The following KIAA1328 variants were observed in gnomAD, a reference collection of about 807,000 sequenced individuals.
KIAA1328 encodes protein hinderin.
KIAA1328 carries 52 observed loss-of-function variants against 68.1 expected under a neutral mutation model. That is an observed-to-expected ratio of 0.76 (90% CI 0.61 to 0.96). The LOEUF is 0.96. KIAA1328 is among the 40% of genes least tolerant of loss of function. The pLI is 0.00. For missense variants in KIAA1328, 641 were observed against 677.6 expected, an observed-to-expected ratio of 0.95 and a Z score of 0.60; for synonymous variants, 232 against 239.4, an observed-to-expected ratio of 0.97 and a Z score of 0.28.
intron 6 of KIAA1328, among the ~76,000 whole-genome samples, chr18:37,052,962 A>G (rs1281652468): frequency 6.6e-6 from 1 of 152,210 alleles, no homozygotes; most frequent in Non-Finnish European, 1.5e-5. Context: ...CAAGTTACCA[A>G]CATCATTTTC....
At position 36,981,789 on chromosome 18, in the gene KIAA1328, G is replaced by A. The variant is rs1347517762; in HGVS notation, c.576+22354G>A. 5.4e-5 allele frequency among the ~76,000 whole-genome samples: 8 copies of A among 148,324 alleles called. No homozygotes were observed. The East Asian group carries it at 1.6e-3, about 29-fold the overall frequency. ...TTTTTTTTTTTTTGGTAGAGATTGAGTCTCACTTTGTTGCCCAGGCTGGTC... is the reference window on the plus strand; with the variant it reads ...TTTTTTTTTTTTTGGTAGAGATTGAATCTCACTTTGTTGCCCAGGCTGGTC... On this transcript the variant is annotated intron_variant, in intron 6 of 9. Transcript: ENST00000280020.
At chr18:36,864,860 G>T (rs536981672) in intron 4 of KIAA1328, among the ~76,000 whole-genome samples, 1 of 151,648 alleles carries the variant, frequency 6.6e-6, no homozygotes, top group South Asian at 2.1e-4. Flanking sequence ...TTCAATAATT[G>T]TTTCTTTTTT....
chr18:36,900,062 T>G (rs1822329520), intron 5 of KIAA1328, among the ~76,000 whole-genome samples: 1 of 151,984 alleles, frequency 6.6e-6, no homozygotes, highest in South Asian at 2.1e-4. Context: ...TCATCTATCA[T>G]CTACACTGTT....
intron 7 of KIAA1328, among the ~76,000 whole-genome samples, chr18:37,101,985 G>T (rs1568407742): frequency 6.6e-6 from 1 of 152,086 alleles, no homozygotes; most frequent in Non-Finnish European, 1.5e-5. Flanking sequence ...GGAGAGGGGG[G>T]ATTTCTCCCT....
chr18:36,985,259 C>T (rs1323699878), intron 6 of KIAA1328, among the ~76,000 whole-genome samples: 1 of 152,140 alleles, frequency 6.6e-6, no homozygotes, highest in Admixed American at 6.6e-5. Context: ...AGGATCACAC[C>T]ACTGCACTCC....
At chr18:36,979,291 G>A (rs2052592585) in intron 6 of KIAA1328, among the ~76,000 whole-genome samples, 2 of 152,080 alleles carry the variant, frequency 1.3e-5, no homozygotes, top group Non-Finnish European at 1.5e-5. Context: ...CCTCAGAGAA[G>A]GTTTTATGTT....
At position 37,018,787 on chromosome 18, in the gene KIAA1328, ATT is replaced by A. The variant is rs34405983; in HGVS notation, c.577-48094_577-48093del. On this transcript the variant is annotated intron_variant, in intron 6 of 9. Transcript: ENST00000280020. ...TTTTCAATTCCAGAGGCACTGAATG[ATT>A]TTTTTTTTAATGATTTTTATGTCTT... 3.0e-3 allele frequency among the ~76,000 whole-genome samples: 453 copies of A among 151,092 alleles called. 3 individuals are homozygous for A. The highest frequency in any genetic ancestry group is 0.024 in the Middle Eastern group (7 of 294).
In KIAA1328 at chr18:37,224,121, C is replaced by A. The variant is rs980418332; in HGVS notation, c.*1894C>A. ...GTTAAAGTTAGGTTGCCAGAACTTT[C>A]TTTTCCTTGCCCCCTGTGTCATGAC... is the stretch of plus-strand genomic sequence containing the variant. On this transcript the variant is annotated 3_prime_UTR_variant, in exon 10 of 10. Coordinates refer to ENST00000280020, the MANE Select transcript of KIAA1328 (RefSeq NM_020776.3). 5.1e-6 allele frequency: 5 copies of A among 985,248 alleles called. No homozygotes were observed. Among genetic ancestry groups the A allele is most frequent in the Non-Finnish European group, 6.0e-6 (5 of 829,922 alleles). The allele number at this position is 985,248 out of a possible 1,614,324, so 61.0% of individuals were successfully genotyped here. A position where few individuals can be genotyped will look rare whatever the true frequency, so the allele number is the denominator to read the frequency against.
chr18:37,074,202 T>C (rs2056630572), intron 7 of KIAA1328, among the ~76,000 whole-genome samples: 1 of 152,158 alleles, frequency 6.6e-6, no homozygotes, highest in Admixed American at 6.5e-5. Flanking sequence ...GAGCAGGCTG[T>C]TTTTTCCTCT....
intron 6 of KIAA1328, among the ~76,000 whole-genome samples, chr18:36,993,770 A>G (rs1014548561): frequency 1.8e-4 from 28 of 152,274 alleles, no homozygotes; most frequent in Non-Finnish European, 3.5e-4. Flanking sequence ...AGAAAAGTCT[A>G]ATCATATTTA....
At chr18:36,833,898 C>G (rs1056246642) in intron 1 of KIAA1328, among the ~76,000 whole-genome samples, 4 of 152,160 alleles carry the variant, frequency 2.6e-5, no homozygotes, top group African/African-American at 7.2e-5. Context: ...TAAAGTCTAT[C>G]TTGAAATTAT....
chr18:36,878,098 G>C (rs2048200524), intron 4 of KIAA1328, among the ~76,000 whole-genome samples: 1 of 152,180 alleles, frequency 6.6e-6, no homozygotes, highest in Non-Finnish European at 1.5e-5. Context: ...TTTCTTCATA[G>C]TGTTGATGGT....
chr18:36,977,030 C>T (rs1252647220), intron 6 of KIAA1328, among the ~76,000 whole-genome samples: 1 of 152,056 alleles, frequency 6.6e-6, no homozygotes, highest in East Asian at 1.9e-4. Flanking sequence ...CTTTTTTAAG[C>T]GTGATAGTCA....
At chr18:37,033,658 T>C (rs2054917828) in intron 6 of KIAA1328, among the ~76,000 whole-genome samples, 1 of 152,202 alleles carries the variant, frequency 6.6e-6, no homozygotes, top group Non-Finnish European at 1.5e-5. Flanking sequence ...ATATGTGCAG[T>C]CTTAGCAAAA....
downstream of KIAA1328, among the ~76,000 whole-genome samples, chr18:37,226,358 A>G (rs1046882862): frequency 1.3e-5 from 2 of 151,918 alleles, no homozygotes; most frequent in African/African-American, 4.8e-5. Flanking sequence ...TGTACAGTTC[A>G]GTAGTCTTTA....
At chr18:37,206,600 A>G (rs1346358411) in intron 9 of KIAA1328, among the ~76,000 whole-genome samples, 1 of 152,186 alleles carries the variant, frequency 6.6e-6, no homozygotes, top group East Asian at 1.9e-4. Flanking sequence ...AGAGGCACCT[A>G]TCTTTTCTTA....
chr18:37,151,168 A>G (rs2059020087), intron 7 of KIAA1328, among the ~76,000 whole-genome samples: 7 of 152,194 alleles, frequency 4.6e-5, no homozygotes, highest in Non-Finnish European at 1.5e-5. Context: ...AGAAAATAAA[A>G]GCATTTATAG....
At chr18:36,847,792 T>A (rs2047077634) in intron 4 of KIAA1328, among the ~76,000 whole-genome samples, 1 of 151,652 alleles carries the variant, frequency 6.6e-6, no homozygotes, top group Non-Finnish European at 1.5e-5. Context: ...TTTAGTGCTC[T>A]ATATATGAAA....
intron 5 of KIAA1328, among the ~76,000 whole-genome samples, chr18:36,893,445 G>T (rs1489142926): frequency 4.3e-5 from 6 of 138,438 alleles, no homozygotes; most frequent in Non-Finnish European, 9.4e-5. Flanking sequence ...TTGTGTGTGT[G>T]TGTGTGTGTG....
Sources: gnomAD v4.1 joint callset for allele counts (sites outside exome capture counted in the v4.1 genomes callset) on GRCh38, gnomAD v4.1.1 for gene constraint, MANE v1.5 for transcripts, NCBI Gene and HGNC (gene_info 2026-07-23, HGNC 2026-07-21) for gene names.